LIG3: variants seen among roughly 807,000 people sequenced by gnomAD.
LIG3 encodes the protein ligase II, DNA, ATP-dependent.
LIG3 carries 58 observed loss-of-function variants against 110.9 expected under a neutral mutation model. That is an observed-to-expected ratio of 0.52 (90% CI 0.42 to 0.65). The LOEUF (loss-of-function observed/expected upper bound fraction) is 0.65, where lower values mean the gene tolerates loss of function less well. Ranked by LOEUF, LIG3 falls within the 30% of genes least tolerant of loss-of-function variation. The pLI, the probability that LIG3 is intolerant of heterozygous loss-of-function variation, is 0.00. For missense variants in LIG3, 1,094 were observed against 1,273.8 expected (o/e 0.86, Z 2.15); for synonymous variants, 422 against 472.8 (o/e 0.89, Z 1.39).
At chr17:35,000,608 CTTTTT>C (rs57663136) in intron 16 of LIG3, among the ~76,000 whole-genome samples, 1 of 80,406 alleles carries the variant, frequency 1.2e-5, no homozygotes, top group African/African-American at 5.8e-5. Context: ...TTGGGAGATA[CTTTTT>C]TTTTTTTTTT....
At position 35,004,819 on chromosome 17, in the gene LIG3, C is replaced by T. The variant is rs1427276251; in HGVS notation, c.*313C>T. The T allele has an allele frequency of 1.3e-5, 4 of 308,526 alleles. No individual in the cohort carries two copies. Among genetic ancestry groups the T allele is most frequent in the Non-Finnish European group, 1.8e-5 (3 of 163,548 alleles). The allele number at this position is 308,526 out of a possible 1,614,324, so 19.1% of individuals were successfully genotyped here. A position where few individuals can be genotyped will look rare whatever the true frequency, so the allele number is the denominator to read the frequency against. On this transcript the variant is annotated 3_prime_UTR_variant, in exon 20 of 20. Transcript: ENST00000378526. ...ATCTTGCAGTTATCTTTGTCCTTTC[C>T]CCACCTACACCCCCAATAATTTCCC...
chr17:34,998,824 C>G (rs1393702062), intron 14 of LIG3, 97 bp downstream of exon 14: 1 of 1,434,014 alleles, frequency 7.0e-7, no homozygotes, highest in East Asian at 2.3e-5. Flanking sequence ...GCCAGCATGG[C>G]CAGTTATGAC....
At chr17:34,980,988 C>G (rs900148153) in intron 1 of LIG3, 1 of 152,288 alleles carries the variant, frequency 6.6e-6, no homozygotes, top group African/African-American at 2.4e-5. Flanking sequence ...GCGTCCCGGA[C>G]CCGGTGGAGG....
chr17:34,989,715 T>C (rs749872149), intron 4 of LIG3, 52 bp downstream of exon 4: 1 of 1,557,438 alleles, frequency 6.4e-7, no homozygotes, highest in Non-Finnish European at 8.9e-7. Context: ...CTCAAGGCCA[T>C]GGCTGCCTTC....
chr17:35,004,413 G>C lies in LIG3; in HGVS notation c.2937G>C (p.Leu979=). The C allele has an allele frequency of 6.2e-7, 1 of 1,614,204 alleles. No individual in the cohort carries two copies. Among genetic ancestry groups the C allele is most frequent in the Non-Finnish European group, 8.5e-7 (1 of 1,180,052 alleles). The change falls in exon 20 of 20, where the codon CTG becomes CTC. Residue 979 remains leucine, a synonymous_variant. Coordinates refer to ENST00000378526, the MANE Select transcript of LIG3 (RefSeq NM_013975.4). ...EFDMTSATHV[L]GSRDKNPAAQ... is the part of the protein sequence containing the mutation. The stretch of plus-strand genomic sequence containing the variant: ...ATATGACTTCAGCCACGCACGTGCT[G>C]GGTAGCAGGGACAAGAACCCTGCGG...
chr17:34,991,588 GATTCATC>G, intron 5 of LIG3, 76 bp from the exon 6 acceptor site: 1 of 1,376,388 alleles, frequency 7.3e-7, no homozygotes, highest in Non-Finnish European at 1.0e-6. Context: ...GAAATTTCTT[GATTCATC>G]TTCAGTCCTG....
At chr17:34,995,253 T>G (rs562924821) in intron 9 of LIG3, among the ~76,000 whole-genome samples, 10 of 152,284 alleles carry the variant, frequency 6.6e-5, no homozygotes, top group African/African-American at 2.4e-4. Context: ...GGCCATTTGT[T>G]TCATATGTTC....
At chr17:35,010,745 C>CAAAAAA (rs59246535), downstream of LIG3, 770 of 132,298 alleles carry the variant, frequency 5.8e-3, 9 homozygotes, top group African/African-American at 0.02. Context: ...GAGTGAGACT[C>CAAAAAA]AAAAAAAAAA....
At chr17:34,985,538 T>C (rs985379452) in intron 2 of LIG3, among the ~76,000 whole-genome samples, 7 of 152,218 alleles carry the variant, frequency 4.6e-5, no homozygotes, top group African/African-American at 1.7e-4. Context: ...TAACTAAGCA[T>C]CTGGAAATTT....
Position 34,986,005 on chromosome 17 carries a change from G to A in LIG3, c.565G>A (p.Ala189Thr). 1 of 1,614,030 alleles carries A rather than the reference G, an allele frequency of 6.2e-7. No individual in the cohort carries two copies. Among genetic ancestry groups the A allele is most frequent in the Non-Finnish European group, 8.5e-7 (1 of 1,179,956 alleles). Residue 189 changes from alanine to threonine, a missense_variant, in exon 3 of 20, where the codon GCA becomes ACA. Physicochemically the swap from Ala to Thr is moderately conservative, Grantham distance 58. Transcript: ENST00000378526. ...TCCTACAGATCTGTCTTCTAAGGCA[G>A]CAGGTACACCAAAGAAGAAAGCTGT... ...QHIADLSSKA[A>T]GTPKKKAVVQ...
rs370812859 is a variant in LIG3 at position 34,991,152 on chromosome 17, G to A, written c.1041+38G>A. On this transcript the variant is annotated intron_variant, in intron 5 of 19. Transcript: ENST00000378526. Reference sequence around the variant, plus strand: ...GGAGGGAGGGTAGGCTACATTCCAGGTGGGGTTTTGCCAAGCCAGGCACCT... The same window carrying A: ...GGAGGGAGGGTAGGCTACATTCCAGATGGGGTTTTGCCAAGCCAGGCACCT... 3 of 1,602,894 alleles carry A rather than the reference G, an allele frequency of 1.9e-6. No homozygotes were observed. The African/African-American group carries it at 4.0e-5, about 22-fold the overall frequency.
At chr17:34,989,411 C>A in intron 3 of LIG3, 55 bp from the exon 4 acceptor site, 1 of 1,506,316 alleles carries the variant, frequency 6.6e-7, no homozygotes, top group East Asian at 2.3e-5. Flanking sequence ...CCTTCCTTCC[C>A]TTTCTTTCTT....
intron 10 of LIG3, 107 bp downstream of exon 10, chr17:34,996,302 C>T (rs2090777036): frequency 1.5e-6 from 2 of 1,297,792 alleles, no homozygotes; most frequent in Admixed American, 2.2e-5. Flanking sequence ...TTAGTGTGGC[C>T]CTTATTCTTC....
chr17:34,986,408 G>A (rs1033373216), intron 3 of LIG3, among the ~76,000 whole-genome samples: 8 of 152,004 alleles, frequency 5.3e-5, no homozygotes, highest in Non-Finnish European at 7.4e-5. Context: ...TGCAACCTCC[G>A]CCTCCTGGGT....
rs1490919462 is a variant in LIG3 at position 34,982,901 on chromosome 17, C to T, written c.-4-101C>T. ...ATACTTTGGAAAGTGTTTGATTAGTCATCATGGACTATATAAGACGCTGGC... is the reference window on the plus strand; with the variant it reads ...ATACTTTGGAAAGTGTTTGATTAGTTATCATGGACTATATAAGACGCTGGC... On this transcript the variant is annotated intron_variant, in intron 1 of 19. Coordinates refer to ENST00000378526, the MANE Select transcript of LIG3 (RefSeq NM_013975.4). 1.9e-5 allele frequency: 16 copies of T among 821,940 alleles called. No individual in the cohort carries two copies. The Admixed American group carries it at 5.2e-4, about 27-fold the overall frequency. The allele number at this position is 821,940 out of a possible 1,614,324, so 50.9% of individuals were successfully genotyped here. A position where few individuals can be genotyped will look rare whatever the true frequency, so the allele number is the denominator to read the frequency against.
intron 17 of LIG3, 66 bp from the exon 18 acceptor site, chr17:35,001,843 A>C: frequency 6.9e-7 from 1 of 1,449,476 alleles, no homozygotes; most frequent in Non-Finnish European, 9.4e-7. Flanking sequence ...TACACCACAC[A>C]CACCACCTCT....
rs201261915 is a variant in LIG3 at position 35,008,628 on chromosome 17, G to GT, written c.*4131dup. The GT allele has an allele frequency of 0.014, 2,089 of 149,920 alleles. 37 individuals are homozygous for GT. Among genetic ancestry groups the GT allele is most frequent in the African/African-American group, 0.046 (1,888 of 40,836 alleles). The allele number at this position is 149,920 out of a possible 1,614,324, so 9.3% of individuals were successfully genotyped here. A position where few individuals can be genotyped will look rare whatever the true frequency, so the allele number is the denominator to read the frequency against. ...TGGTTTTTTTGGGTTTTTTGTTTGT[G>GT]TTTTTTTTTGTTTTGTTTTTTGAGA... On this transcript the variant is annotated 3_prime_UTR_variant, in exon 20 of 20. Transcript: ENST00000378526.
intron 18 of LIG3, 77 bp from the exon 19 acceptor site, chr17:35,002,591 T>G (rs1200107448): frequency 5.3e-6 from 8 of 1,506,066 alleles, no homozygotes; most frequent in Admixed American, 2.0e-5. Flanking sequence ...CTCGAACTCC[T>G]GAGTTGAATT....
intron 11 of LIG3, chr17:34,997,204 C>T (rs779364931): frequency 8.5e-5 from 14 of 164,428 alleles, no homozygotes; most frequent in Admixed American, 3.9e-4. Flanking sequence ...CCTGAGAAAC[C>T]AGTATCAGCC....
Sources: allele counts gnomAD v4.1 joint callset (sites outside exome capture counted in the v4.1 genomes callset), GRCh38; gene constraint gnomAD v4.1.1; transcripts MANE v1.5; gene names NCBI Gene and HGNC (gene_info 2026-07-23, HGNC 2026-07-21).